MARF1: variants seen among roughly 807,000 people sequenced by gnomAD.
MARF1 encodes meiosis regulator and mRNA stability factor 1.
A neutral mutation model predicts 168.2 loss-of-function variants in MARF1; 24 were observed. The ratio of observed to expected loss-of-function variants is 0.14; its 90% CI spans 0.10 to 0.20. The LOEUF is 0.20. MARF1 is among the 10% of genes least tolerant of loss of function. MARF1 has a pLI of 1.00. For missense variants in MARF1, 1,744 were observed against 2,143.6 expected, an observed-to-expected ratio of 0.81 and a Z score of 3.68; for synonymous variants, 868 against 822.4, an observed-to-expected ratio of 1.06 and a Z score of -0.95.
At chr16:15,611,179 C>T in intron 18 of MARF1, 71 bp from the exon 19 acceptor site, 1 of 1,504,612 alleles carries the variant, frequency 6.6e-7, no homozygotes, top group Non-Finnish European at 9.2e-7. Context: ...AGTTTTCCGG[C>T]CGGGCGCTGG....
chr16:15,604,382 G>C lies in MARF1; in HGVS notation c.4199C>G (p.Ser1400Cys). Residue 1400 changes from serine to cysteine, a missense_variant, in exon 22 of 27, where the codon TCT (serine) becomes TGT (cysteine). Transcript: ENST00000396368. The stretch of plus-strand genomic sequence containing the variant: ...GTTGATCAGCTGAATCTGTCTGCCA[G>C]ATTCTATATCGGCAACCTGGGGAAA... ...CHVVKVADIE[S>C]GRQIQLINRK... is the part of the protein sequence containing the mutation. 1 of 1,613,484 alleles carries C rather than the reference G, an allele frequency of 6.2e-7. No individual in the cohort carries two copies. The highest frequency in any genetic ancestry group is 2.2e-5 in the East Asian group (1 of 44,876).
intron 19 of MARF1, 29 bp downstream of exon 19, chr16:15,610,946 A>G (rs766206133): frequency 6.2e-7 from 1 of 1,606,046 alleles, no homozygotes; most frequent in Non-Finnish European, 8.5e-7. Context: ...GATAGACAAT[A>G]TCCTTCCAGC....
chr16:15,621,016 T>C (rs997234923), intron 12 of MARF1, among the ~76,000 whole-genome samples: 1 of 152,212 alleles, frequency 6.6e-6, no homozygotes, highest in Non-Finnish European at 1.5e-5. Context: ...CATAGGCCTG[T>C]GGATGGTTTT....
chr16:15,642,519 G>A (rs2036078106), intron 1 of MARF1: 2 of 152,352 alleles, frequency 1.3e-5, no homozygotes, highest in South Asian at 2.1e-4. Context: ...TACCGGAAAG[G>A]TGCTTGAGAA....
intron 5 of MARF1, among the ~76,000 whole-genome samples, chr16:15,633,175 C>CACA (rs1555529762): frequency 7.3e-6 from 1 of 136,928 alleles, no homozygotes; most frequent in African/African-American, 2.7e-5. Flanking sequence ...AAAAAAAACA[C>CACA]CACACACACA....
At position 15,639,243 on chromosome 16, in the gene MARF1, C is replaced by T; in HGVS notation, c.-10G>A. The T allele has an allele frequency of 6.2e-7, 1 of 1,607,816 alleles. No homozygotes were observed. Among genetic ancestry groups the T allele is most frequent in the Non-Finnish European group, 8.5e-7 (1 of 1,177,504 alleles). On this transcript the variant is annotated 5_prime_UTR_variant, in exon 2 of 27. Transcript: ENST00000396368. Reference sequence around the variant, plus strand: ...CGTTTCCTTCCATCATACAGCCATGCAAAGTGATTCAACATCCTTTCATCT... The same window carrying T: ...CGTTTCCTTCCATCATACAGCCATGTAAAGTGATTCAACATCCTTTCATCT...
intron 1 of MARF1, 147 bp from the exon 2 acceptor site, chr16:15,639,438 T>C: frequency 1.6e-6 from 1 of 614,214 alleles, no homozygotes; most frequent in Non-Finnish European, 2.7e-6. Flanking sequence ...TCTCGCTCTG[T>C]CGCCCAGGCT....
In MARF1 at chr16:15,622,876, T is replaced by C. The variant is rs140998405; in HGVS notation, c.2460+58A>G. 2.4e-5 allele frequency: 34 copies of C among 1,416,174 alleles called. No individual in the cohort carries two copies. The African/African-American group carries it at 3.7e-4, about 15-fold the overall frequency. 87.7% of individuals were successfully genotyped at this position (1,416,174 alleles called of 1,614,324 possible). Reference sequence around the variant, plus strand: ...GTTATGTATATCAAATTAGGTCCTCTTGACTAGAGACTCCATCAGAGAGTA... The same window carrying C: ...GTTATGTATATCAAATTAGGTCCTCCTGACTAGAGACTCCATCAGAGAGTA... On this transcript the variant is annotated intron_variant, in intron 11 of 26. Coordinates refer to ENST00000396368, the MANE Select transcript of MARF1 (RefSeq NM_014647.4).
At chr16:15,603,135 G>A (rs2032672608) in intron 22 of MARF1, among the ~76,000 whole-genome samples, 1 of 152,142 alleles carries the variant, frequency 6.6e-6, no homozygotes, top group African/African-American at 2.4e-5. Flanking sequence ...AGAAAATGCT[G>A]GATGTATATC....
At chr16:15,630,566 A>G in intron 6 of MARF1, 62 bp from the exon 7 acceptor site, 1 of 1,471,764 alleles carries the variant, frequency 6.8e-7, no homozygotes, top group Non-Finnish European at 9.2e-7. Context: ...ACAAAGACAG[A>G]CAACTCTATT....
intron 21 of MARF1, among the ~76,000 whole-genome samples, chr16:15,605,073 C>T (rs751717973): frequency 2.6e-5 from 4 of 152,200 alleles, no homozygotes; most frequent in Non-Finnish European, 4.4e-5. Context: ...CACTTGGGGA[C>T]CAAACACCAT....
In MARF1 at chr16:15,616,443, G is replaced by A. The variant is rs1001224658; in HGVS notation, c.3078-438C>T. On this transcript the variant is annotated intron_variant, in intron 15 of 26. Transcript: ENST00000396368. ...GAAGCTGTGTACTCTCAACACTTGTGGAGATTTCGACTGCAGCACTTATGA... is the reference window on the plus strand; with the variant it reads ...GAAGCTGTGTACTCTCAACACTTGTAGAGATTTCGACTGCAGCACTTATGA... Among the ~76,000 whole-genome samples the A allele has an allele frequency of 2.0e-5, 3 of 152,176 alleles. No individual in the cohort carries two copies. In the East Asian group the frequency reaches 5.8e-4, roughly 29 times the overall value.
intron 21 of MARF1, 40 bp downstream of exon 21, chr16:15,608,251 C>T: frequency 3.0e-6 from 4 of 1,325,814 alleles, no homozygotes; most frequent in Non-Finnish European, 4.2e-6. Context: ...TGAGTTTTAT[C>T]CCATGAGGGA....
chr16:15,633,952 A>C (rs2035416959), intron 4 of MARF1, 109 bp from the exon 5 acceptor site: 1 of 894,368 alleles, frequency 1.1e-6, no homozygotes, highest in Middle Eastern at 2.6e-4. Flanking sequence ...CTAAATTATT[A>C]ATGAATGCCA....
At chr16:15,620,298 C>T (rs1280980581) in intron 13 of MARF1, among the ~76,000 whole-genome samples, 153 bp downstream of exon 13, 1 of 152,232 alleles carries the variant, frequency 6.6e-6, no homozygotes, top group East Asian at 1.9e-4. Flanking sequence ...AAACTGTCTG[C>T]TAAACATTCA....
In MARF1 at chr16:15,602,740, G is replaced by A. The variant is rs143870278; in HGVS notation, c.4414-537C>T. The stretch of plus-strand genomic sequence containing the variant: ...CTATTTGCAAGTCGAAGGCTGCAGC[G>A]GTCTGAAGAGACAGTGTGTGAGTAG... On this transcript the variant is annotated intron_variant, in intron 22 of 26. Coordinates refer to ENST00000396368, the MANE Select transcript of MARF1 (RefSeq NM_014647.4). 1.2e-4 allele frequency: 50 copies of A among 428,044 alleles called. 1 individual carries two copies. The highest frequency in any genetic ancestry group is 4.1e-4 in the African/African-American group (19 of 46,370). The allele number at this position is 428,044 out of a possible 1,614,324, so 26.5% of individuals were successfully genotyped here. A position where few individuals can be genotyped will look rare whatever the true frequency, so the allele number is the denominator to read the frequency against.
chr16:15,595,407 C>G lies in MARF1; in HGVS notation c.*1286G>C, dbSNP rs1483879108. On this transcript the variant is annotated 3_prime_UTR_variant, in exon 27 of 27. Coordinates refer to ENST00000396368, the MANE Select transcript of MARF1 (RefSeq NM_014647.4). Reference sequence around the variant, plus strand: ...ACCATCTAACTAGTGGAAGACCTTACGCCAACAGGTTCTTTCTGCTCTATG... The same window carrying G: ...ACCATCTAACTAGTGGAAGACCTTAGGCCAACAGGTTCTTTCTGCTCTATG... 1 of 152,718 alleles carries G rather than the reference C, an allele frequency of 6.5e-6. No homozygotes were observed. Among genetic ancestry groups the G allele is most frequent in the African/African-American group, 2.4e-5 (1 of 41,550 alleles). 9.5% of individuals were successfully genotyped at this position (152,718 alleles called of 1,614,324 possible). A position where few individuals can be genotyped will look rare whatever the true frequency, so the allele number is the denominator to read the frequency against.
At chr16:15,608,557 A>G in intron 20 of MARF1, 39 bp from the exon 21 acceptor site, 2 of 1,481,980 alleles carry the variant, frequency 1.3e-6, no homozygotes, top group Non-Finnish European at 1.9e-6. Flanking sequence ...GAAAATAAAC[A>G]AATCACGGGT....
At chr16:15,599,154 TAAA>T (rs565989147) in intron 25 of MARF1, 130 bp from the exon 26 acceptor site, 1,568 of 296,084 alleles carry the variant, frequency 5.3e-3, no homozygotes, top group East Asian at 7.7e-3. Flanking sequence ...TTTAAGGTAT[TAAA>T]AAAAAAAAAA....
Sources: gnomAD v4.1 joint callset for allele counts (sites outside exome capture counted in the v4.1 genomes callset) on GRCh38, gnomAD v4.1.1 for gene constraint, MANE v1.5 for transcripts, NCBI Gene and HGNC (gene_info 2026-07-23, HGNC 2026-07-21) for gene names.